The following GOPC variants were observed in gnomAD, a reference collection of about 807,000 sequenced individuals.
The protein encoded by GOPC is Golgi-associated PDZ and coiled-coil motif-containing protein.
GOPC carries 32 observed loss-of-function variants against 51.2 expected under a neutral mutation model. The ratio of observed to expected loss-of-function variants is 0.63; its 90% CI spans 0.47 to 0.84. The LOEUF is 0.84. Among genes scored for constraint, GOPC ranks in the 40% least tolerant of loss-of-function variants. The pLI is 0.00. For synonymous variants in GOPC, 190 were observed against 205.1 expected (o/e 0.93, Z 0.63); for missense variants, 441 against 555.5 (o/e 0.79, Z 2.07).
At chr6:117,600,775 TG>T (rs1246697340) in intron 1 of GOPC, among the ~76,000 whole-genome samples, 1 of 152,208 alleles carries the variant, frequency 6.6e-6, no homozygotes, top group African/African-American at 2.4e-5. Flanking sequence ...AATCAAGAGA[TG>T]TTTTCATTTA....
At chr6:117,600,960 T>A (rs1771995305) in intron 1 of GOPC, among the ~76,000 whole-genome samples, 1 of 152,190 alleles carries the variant, frequency 6.6e-6, no homozygotes. Context: ...AGAGAAAGAA[T>A]GCTGACCACT....
chr6:117,587,363 T>C (rs1238989178), intron 1 of GOPC, among the ~76,000 whole-genome samples: 1 of 152,016 alleles, frequency 6.6e-6, no homozygotes, highest in African/African-American at 2.4e-5. Context: ...CCATGGTCAT[T>C]AAAAAGCCAG....
At chr6:117,564,304 T>C (rs1391247632) in intron 8 of GOPC, among the ~76,000 whole-genome samples, 1 of 152,180 alleles carries the variant, frequency 6.6e-6, no homozygotes, top group Non-Finnish European at 1.5e-5. Context: ...ATACATATAA[T>C]TGTAAAATTC....
intron 1 of GOPC, among the ~76,000 whole-genome samples, chr6:117,591,374 A>G (rs914231643): frequency 5.3e-5 from 8 of 152,216 alleles, no homozygotes; most frequent in South Asian, 2.1e-4. Context: ...GGTTCAAACT[A>G]TTTCCCCTAA....
intron 1 of GOPC, among the ~76,000 whole-genome samples, chr6:117,580,718 A>G (rs188182633): frequency 6.6e-6 from 1 of 152,320 alleles, no homozygotes; most frequent in Admixed American, 6.5e-5. Context: ...TAGTTACTAC[A>G]TAATTTTGAA....
intron 5 of GOPC, among the ~76,000 whole-genome samples, chr6:117,572,415 T>A (rs1779819804): frequency 6.6e-6 from 1 of 152,126 alleles, no homozygotes; most frequent in African/African-American, 2.4e-5. Flanking sequence ...TTCTAATATA[T>A]CTCCTTGACT....
At chr6:117,579,576 G>C (rs1163162618) in intron 1 of GOPC, among the ~76,000 whole-genome samples, 1 of 152,040 alleles carries the variant, frequency 6.6e-6, no homozygotes, top group Admixed American at 6.6e-5. Flanking sequence ...CTGAGACTAT[G>C]GTAAGCCTAA....
intron 8 of GOPC, among the ~76,000 whole-genome samples, chr6:117,564,166 A>G (rs1779647049): frequency 6.6e-6 from 1 of 151,982 alleles, no homozygotes; most frequent in Admixed American, 6.6e-5. Flanking sequence ...TTTTTTGAAG[A>G]GACAGGGTTC....
At chr6:117,587,956 C>T (rs1406583173) in intron 1 of GOPC, among the ~76,000 whole-genome samples, 2 of 151,996 alleles carry the variant, frequency 1.3e-5, no homozygotes, top group African/African-American at 4.8e-5. Context: ...TCACTGGGGA[C>T]TTGGAACTCC....
intron 1 of GOPC, among the ~76,000 whole-genome samples, chr6:117,594,247 C>A (rs575670893): frequency 6.6e-6 from 1 of 152,244 alleles, no homozygotes; most frequent in South Asian, 2.1e-4. Flanking sequence ...TATGCGCTTG[C>A]CCACCACAGG....
intron 1 of GOPC, among the ~76,000 whole-genome samples, chr6:117,589,100 T>C (rs567068712): frequency 2.6e-5 from 4 of 152,144 alleles, no homozygotes; most frequent in African/African-American, 9.6e-5. Flanking sequence ...TTTAAGAAAG[T>C]GTACGAATTT....
In GOPC at chr6:117,562,520, A is replaced by G. The variant is rs117322147; in HGVS notation, c.*734T>C. On this transcript the variant is annotated 3_prime_UTR_variant, in exon 9 of 9. Coordinates refer to ENST00000368498, the MANE Select transcript of GOPC (RefSeq NM_020399.4). ...TCCAGTACTGCGCACACAGATCAAC[A>G]TAATTGAGAACAGATGTTTTACACT... is the stretch of plus-strand genomic sequence containing the variant. 1 of 203,616 alleles carries G rather than the reference A, an allele frequency of 4.9e-6. No homozygotes were observed. The highest frequency in any genetic ancestry group is 6.0e-5 in the Admixed American group (1 of 16,716). 12.6% of individuals were successfully genotyped at this position (203,616 alleles called of 1,614,324 possible).
intron 1 of GOPC, among the ~76,000 whole-genome samples, chr6:117,582,948 G>C (rs1193329028): frequency 6.6e-6 from 1 of 151,956 alleles, no homozygotes; most frequent in Non-Finnish European, 1.5e-5. Context: ...AAGGTGCAGT[G>C]AGCTGATAAT....
At chr6:117,566,749 G>T in intron 8 of GOPC, 105 bp downstream of exon 8, 1 of 654,238 alleles carries the variant, frequency 1.5e-6, no homozygotes. Flanking sequence ...TCATTCCTTT[G>T]ATTTCCTCAC....
At chr6:117,590,660 G>A (rs1165432933) in intron 1 of GOPC, among the ~76,000 whole-genome samples, 1 of 151,022 alleles carries the variant, frequency 6.6e-6, no homozygotes, top group South Asian at 2.1e-4. Flanking sequence ...GACGTGTGAT[G>A]TACCAATTCA....
intron 1 of GOPC, among the ~76,000 whole-genome samples, chr6:117,598,812 G>T (rs999666249): frequency 3.3e-5 from 5 of 152,098 alleles, no homozygotes. Context: ...GGCTAAATAA[G>T]AGGAAAAAGT....
chr6:117,582,380 A>C (rs1562143845), intron 1 of GOPC, among the ~76,000 whole-genome samples: 1 of 151,436 alleles, frequency 6.6e-6, no homozygotes, highest in South Asian at 2.1e-4. Context: ...CCCATCTTCA[A>C]GCCTAAAAGC....
intron 8 of GOPC, among the ~76,000 whole-genome samples, chr6:117,566,142 A>C (rs1325193765): frequency 6.6e-6 from 1 of 152,206 alleles, no homozygotes; most frequent in Non-Finnish European, 1.5e-5. Context: ...TGCCTTGATT[A>C]GTGCTAAGGC....
At chr6:117,574,423 A>G (rs557136734) in intron 4 of GOPC, among the ~76,000 whole-genome samples, 1 of 152,296 alleles carries the variant, frequency 6.6e-6, no homozygotes, top group South Asian at 2.1e-4. Context: ...AATACAGCAG[A>G]ATTCTGTGTA....
Sources: allele counts gnomAD v4.1 joint callset (sites outside exome capture counted in the v4.1 genomes callset), GRCh38; gene constraint gnomAD v4.1.1; transcripts MANE v1.5; gene names NCBI Gene and HGNC (gene_info 2026-07-23, HGNC 2026-07-21).